The following TRPM3 variants were observed in gnomAD, a reference collection of about 807,000 sequenced individuals.
TRPM3 encodes long transient receptor potential channel 3.
TRPM3 carries 77 observed loss-of-function variants against 181.2 expected under a neutral mutation model. The observed-to-expected ratio is 0.42, with a 90% CI of 0.35 to 0.51. The LOEUF (loss-of-function observed/expected upper bound fraction) is 0.51, where lower values mean the gene tolerates loss of function less well. Among genes scored for constraint, TRPM3 ranks in the 20% least tolerant of loss-of-function variants. The pLI is 0.01. For synonymous variants in TRPM3, 745 were observed against 796.4 expected (o/e 0.94, Z 1.09); for missense variants, 1,759 against 2,196.7 (o/e 0.80, Z 3.98).
At chr9:71,130,523 A>G (rs889570669) in intron 1 of TRPM3, among the ~76,000 whole-genome samples, 13 of 152,202 alleles carry the variant, frequency 8.5e-5, no homozygotes, top group Non-Finnish European at 5.9e-5. Context: ...AAATGTTCAG[A>G]GTATTTAGGG....
intron 25 of TRPM3, among the ~76,000 whole-genome samples, chr9:70,544,040 A>T (rs1304197669): frequency 6.6e-6 from 1 of 152,188 alleles, no homozygotes; most frequent in African/African-American, 2.4e-5. Flanking sequence ...GTGTGGGCAG[A>T]TGCTGCCCAC....
Position 71,156,376 on chromosome 9 carries a change from G to GACACACACACAC in TRPM3, c.183+290265_183+290276dup, listed in dbSNP as rs71507025. On this transcript the variant is annotated intron_variant, in intron 1 of 24. Transcript: ENST00000357533. ...CATTAGGTATTATATATATACTACA[G>GACACACACACAC]ACACACACACACACACACACACACA... is the stretch of plus-strand genomic sequence containing the variant. Among the ~76,000 whole-genome samples the GACACACACACAC allele has an allele frequency of 1.1e-3, 153 of 138,438 alleles. 1 individual carries two copies. The highest frequency in any genetic ancestry group is 1.3e-3 in the East Asian group (6 of 4,540). 90.8% of individuals were successfully genotyped at this position (138,438 alleles called of 152,430 possible).
In TRPM3 at chr9:70,828,119, T is replaced by A. The variant is rs3750404; in HGVS notation, c.802-101A>T. The A allele has an allele frequency of 1.1e-4, 132 of 1,215,210 alleles. No individual in the cohort carries two copies. In the East Asian group the frequency reaches 2.6e-3, roughly 23 times the overall value. 75.3% of individuals were successfully genotyped at this position (1,215,210 alleles called of 1,614,324 possible). A position where few individuals can be genotyped will look rare whatever the true frequency, so the allele number is the denominator to read the frequency against. On this transcript the variant is annotated intron_variant, in intron 5 of 25. Coordinates refer to ENST00000677713, the MANE Select transcript of TRPM3 (RefSeq NM_001366145.2). ...GAAAGAGAGGAAGAAAGAACATCAGTTCTGTGGTACAGTGAAAGTACAGTC... is the reference window on the plus strand; with the variant it reads ...GAAAGAGAGGAAGAAAGAACATCAGATCTGTGGTACAGTGAAAGTACAGTC...
chr9:70,765,427 C>T (rs1419502522), intron 7 of TRPM3, among the ~76,000 whole-genome samples: 2 of 151,970 alleles, frequency 1.3e-5, no homozygotes, highest in African/African-American at 4.8e-5. Context: ...CCCACCTCTA[C>T]TAAAAATTCA....
chr9:70,739,964 T>A (rs2073674114), intron 8 of TRPM3, among the ~76,000 whole-genome samples: 1 of 152,058 alleles, frequency 6.6e-6, no homozygotes, highest in Non-Finnish European at 1.5e-5. Context: ...TGGAAAGCCC[T>A]AGCCAGAACA....
chr9:71,207,786 G>A (rs1384944973), intron 1 of TRPM3, among the ~76,000 whole-genome samples: 1 of 152,056 alleles, frequency 6.6e-6, no homozygotes, highest in Non-Finnish European at 1.5e-5. Context: ...GATCTTCCTT[G>A]CCCTTTTGAA....
At chr9:71,116,233 T>C (rs1325236692) in intron 1 of TRPM3, among the ~76,000 whole-genome samples, 1 of 152,168 alleles carries the variant, frequency 6.6e-6, no homozygotes, top group Non-Finnish European at 1.5e-5. Context: ...ATTTCCTCTC[T>C]TGTGGTGGAA....
At position 70,865,603 on chromosome 9, in the gene TRPM3, ACT is replaced by A. The variant is rs1175120118; in HGVS notation, c.178-1094_178-1093del. ...ATGTGTTGAACCATAATTAATCTTG[ACT>A]CTGCCAATGACTCAGATGTCTATAA... is the stretch of plus-strand genomic sequence containing the variant. On this transcript the variant is annotated intron_variant, in intron 1 of 25. Transcript: ENST00000677713. The A allele has an allele frequency of 3.3e-5, 5 of 152,018 alleles. No homozygotes were observed. In the East Asian group the frequency reaches 9.7e-4, roughly 29 times the overall value. The allele number at this position is 152,018 out of a possible 1,614,324, so 9.4% of individuals were successfully genotyped here. A position where few individuals can be genotyped will look rare whatever the true frequency, so the allele number is the denominator to read the frequency against.
At chr9:71,046,750 A>G (rs780880160) in intron 1 of TRPM3, among the ~76,000 whole-genome samples, 1 of 152,200 alleles carries the variant, frequency 6.6e-6, no homozygotes, top group Non-Finnish European at 1.5e-5. Flanking sequence ...TTTAAAATGG[A>G]TTTACTATGA....
intron 7 of TRPM3, among the ~76,000 whole-genome samples, chr9:70,770,359 G>A: frequency 6.6e-6 from 1 of 152,170 alleles, no homozygotes; most frequent in East Asian, 1.9e-4. Context: ...GCAACATCTT[G>A]CCCATAGAAG....
chr9:71,336,616 T>A (rs562284191), intron 1 of TRPM3, among the ~76,000 whole-genome samples: 1 of 152,112 alleles, frequency 6.6e-6, no homozygotes, highest in Non-Finnish European at 1.5e-5. Context: ...AAATTTCATA[T>A]GGGACCAAAA....
intron 1 of TRPM3, among the ~76,000 whole-genome samples, chr9:71,073,498 T>G (rs1012853908): frequency 1.3e-5 from 2 of 152,208 alleles, no homozygotes; most frequent in Non-Finnish European, 2.9e-5. Context: ...GATTAGTTCC[T>G]GACAACTATC....
At chr9:71,002,570 G>T (rs1024837071) in intron 1 of TRPM3, among the ~76,000 whole-genome samples, 11 of 151,810 alleles carry the variant, frequency 7.2e-5, no homozygotes, top group African/African-American at 2.4e-4. Context: ...CACTATATAC[G>T]TCTACTTTCT....
At chr9:71,220,696 G>A (rs1225275376) in intron 1 of TRPM3, among the ~76,000 whole-genome samples, 2 of 152,072 alleles carry the variant, frequency 1.3e-5, no homozygotes, top group Non-Finnish European at 2.9e-5. Flanking sequence ...TCTCCTTCTA[G>A]AATGGATTTA....
intron 6 of TRPM3, chr9:70,824,787 G>A (rs1003585215): frequency 2.0e-5 from 3 of 152,172 alleles, no homozygotes; most frequent in African/African-American, 7.2e-5. Flanking sequence ...TAGATTTGCT[G>A]TTCTAAATTG....
intron 9 of TRPM3, among the ~76,000 whole-genome samples, chr9:70,648,431 A>C (rs1050703529): frequency 6.6e-6 from 1 of 152,176 alleles, no homozygotes; most frequent in Non-Finnish European, 1.5e-5. Flanking sequence ...AGCCATGATC[A>C]TGGCAGCCTG....
intron 7 of TRPM3, among the ~76,000 whole-genome samples, chr9:70,781,326 T>TAAAAAAAAAAAAAAAAAAAAAA (rs35173071): frequency 3.5e-4 from 37 of 106,106 alleles, no homozygotes; most frequent in East Asian, 1.6e-3. Flanking sequence ...TTCCATTTCA[T>TAAAAAAAAAAAAAAAAAAAAAA]AAAAAAAAAA....
chr9:70,809,976 C>T (rs1423551673), intron 6 of TRPM3: 2 of 534,616 alleles, frequency 3.7e-6, no homozygotes, highest in Non-Finnish European at 7.7e-6. Context: ...AAAAAAGATG[C>T]CAGTGATGAC....
At chr9:71,117,115 C>T (rs77018990) in intron 1 of TRPM3, among the ~76,000 whole-genome samples, 13 of 152,274 alleles carry the variant, frequency 8.5e-5, no homozygotes, top group Non-Finnish European at 1.8e-4. Flanking sequence ...TAGCAAGGCC[C>T]TGTTTATTTT....
Sources: allele counts gnomAD v4.1 joint callset (sites outside exome capture counted in the v4.1 genomes callset), GRCh38; gene constraint gnomAD v4.1.1; transcripts MANE v1.5; gene names NCBI Gene and HGNC (gene_info 2026-07-23, HGNC 2026-07-21).